EEF1AKMT1: variants seen among roughly 807,000 people sequenced by gnomAD.
EEF1AKMT1 encodes EEF1A lysine methyltransferase 1.
EEF1AKMT1 carries 18 observed loss-of-function variants against 21.0 expected under a neutral mutation model. That is an observed-to-expected ratio of 0.86 (90% CI 0.59 to 1.27). The LOEUF (loss-of-function observed/expected upper bound fraction) is 1.27, where lower values mean the gene tolerates loss of function less well. EEF1AKMT1 is among the 50% of genes most tolerant of loss of function. The probability of loss-of-function intolerance (pLI) is 0.00; values close to 1 mark genes in which losing one functional copy is unlikely to be tolerated. For missense variants in EEF1AKMT1, 246 were observed against 258.6 expected, an observed-to-expected ratio of 0.95 and a Z score of 0.33; for synonymous variants, 109 against 94.8, an observed-to-expected ratio of 1.15 and a Z score of -0.87.
intron 2 of EEF1AKMT1, among the ~76,000 whole-genome samples, chr13:20,743,213 T>C (rs2058882382): frequency 6.6e-6 from 1 of 151,926 alleles, no homozygotes; most frequent in Non-Finnish European, 1.5e-5. Flanking sequence ...ATTACAGGTG[T>C]CCATTACTGG....
At chr13:20,755,784 T>C (rs1301010099) in intron 2 of EEF1AKMT1, among the ~76,000 whole-genome samples, 4 of 152,212 alleles carry the variant, frequency 2.6e-5, no homozygotes, top group Non-Finnish European at 5.9e-5. Context: ...CTCAATTTTA[T>C]AATCAAACCA....
In EEF1AKMT1 at chr13:20,756,128, C is replaced by G. The variant is rs371427959; in HGVS notation, c.144+1327G>C. On this transcript the variant is annotated intron_variant, in intron 2 of 4. Transcript: ENST00000382758. ...AGTTTATATAACTCAGAGATCCAAA[C>G]TAGACACAAAAATATTAAAGACTAT... Among the ~76,000 whole-genome samples the G allele has an allele frequency of 8.7e-4, 133 of 152,186 alleles. 3 individuals are homozygous for G. The South Asian group carries it at 0.026, about 29-fold the overall frequency.
chr13:20,762,844 T>A (rs2059007696), intron 1 of EEF1AKMT1, among the ~76,000 whole-genome samples: 1 of 151,746 alleles, frequency 6.6e-6, no homozygotes, highest in South Asian at 2.1e-4. Context: ...ATGAGGACAT[T>A]CCCTTTATTA....
At chr13:20,732,484 C>T (rs1474639655) in intron 3 of EEF1AKMT1, among the ~76,000 whole-genome samples, 1 of 151,816 alleles carries the variant, frequency 6.6e-6, no homozygotes, top group Non-Finnish European at 1.5e-5. Flanking sequence ...GCACGCGCCA[C>T]TGCGCCTGGC....
intron 1 of EEF1AKMT1, among the ~76,000 whole-genome samples, chr13:20,773,555 G>A (rs1566542056): frequency 2.0e-5 from 3 of 152,214 alleles, no homozygotes. Context: ...ACAGCAGGCC[G>A]AGTCCTGTTT....
rs2059034494 is a variant in EEF1AKMT1 at position 20,766,614 on chromosome 13, G to T, written c.-20+7307C>A. Among the ~76,000 whole-genome samples, 3 of 152,102 alleles carry T rather than the reference G, an allele frequency of 2.0e-5. No individual in the cohort carries two copies. The South Asian group carries it at 6.2e-4, about 32-fold the overall frequency. On this transcript the variant is annotated intron_variant, in intron 1 of 4. Transcript: ENST00000382758. Reference sequence around the variant, plus strand: ...AGGCAGGTGGATCACCTGAAGTCAGGAGTTTGAGACTAGCCTGACCAATAT... The same window carrying T: ...AGGCAGGTGGATCACCTGAAGTCAGTAGTTTGAGACTAGCCTGACCAATAT...
At chr13:20,757,735 G>A in intron 1 of EEF1AKMT1, 118 bp from the exon 2 acceptor site, 1 of 761,884 alleles carries the variant, frequency 1.3e-6, no homozygotes, top group Admixed American at 3.1e-5. Flanking sequence ...TTTTATACAA[G>A]TAAACCAAAA....
At chr13:20,749,536 T>C (rs148328395) in intron 2 of EEF1AKMT1, among the ~76,000 whole-genome samples, 39 of 152,300 alleles carry the variant, frequency 2.6e-4, no homozygotes, top group African/African-American at 9.1e-4. Context: ...ATATCTAAAA[T>C]GTTTTTATTT....
chr13:20,729,722 G>A (rs2058781165), intron 4 of EEF1AKMT1, among the ~76,000 whole-genome samples: 1 of 152,052 alleles, frequency 6.6e-6, no homozygotes, highest in Non-Finnish European at 1.5e-5. Context: ...CACAGGAGGT[G>A]GCATCCACAG....
rs79570457 is a variant in EEF1AKMT1, at chr13:20,773,695, G to A, written c.-20+226C>T. 9.8e-3 allele frequency among the ~76,000 whole-genome samples: 1,496 copies of A among 152,334 alleles called. 19 individuals carry two copies. Among genetic ancestry groups the A allele is most frequent in the Middle Eastern group, 0.024 (7 of 294 alleles). On this transcript the variant is annotated intron_variant, in intron 1 of 4. Coordinates refer to ENST00000382758, the MANE Select transcript of EEF1AKMT1 (RefSeq NM_001318939.2). The stretch of plus-strand genomic sequence containing the variant: ...CAGGACGCGGCGCCTTCCGGCGACC[G>A]GGACGCGAGGCCCAACAGCGCCTAA...
intron 2 of EEF1AKMT1, chr13:20,747,399 C>T (rs1177421419): frequency 8.8e-6 from 2 of 228,080 alleles, no homozygotes; most frequent in East Asian, 2.0e-4. Context: ...ACTCAGTTGC[C>T]CTCAACACAA....
At chr13:20,736,584 GAC>G (rs1010540170) in intron 3 of EEF1AKMT1, among the ~76,000 whole-genome samples, 13 of 152,144 alleles carry the variant, frequency 8.5e-5, no homozygotes, top group African/African-American at 3.1e-4. Flanking sequence ...TGCACACTGG[GAC>G]AGGTTGCAGA....
chr13:20,756,112 A>C (rs921219288), intron 2 of EEF1AKMT1, among the ~76,000 whole-genome samples: 1 of 152,152 alleles, frequency 6.6e-6, no homozygotes, highest in Admixed American at 6.5e-5. Flanking sequence ...AAGTTTATAT[A>C]ACTCAGAGAT....
At chr13:20,742,909 C>T (rs2596150) in intron 2 of EEF1AKMT1, among the ~76,000 whole-genome samples, 43,175 of 151,988 alleles carry the variant, frequency 0.28, 7,702 homozygotes, top group East Asian at 0.76. Context: ...ATTTTCTCCT[C>T]GTCTTTCTCT....
At chr13:20,742,854 T>C (rs147053429) in intron 2 of EEF1AKMT1, among the ~76,000 whole-genome samples, 1 of 152,332 alleles carries the variant, frequency 6.6e-6, no homozygotes, top group Non-Finnish European at 1.5e-5. Flanking sequence ...CTGGTGGGCA[T>C]GGACATCTGG....
rs569305852 is a variant in EEF1AKMT1 at position 20,745,936 on chromosome 13, C to T, written c.145-8131G>A. Among the ~76,000 whole-genome samples, 28 of 152,206 alleles carry T rather than the reference C, an allele frequency of 1.8e-4. No homozygotes were observed. The South Asian group carries it at 3.7e-3, about 20-fold the overall frequency. ...AAACAAGGTACAATTCAAAGTGGCACGTGGTATGAATGAAAACATTAATAA... is the reference window on the plus strand; with the variant it reads ...AAACAAGGTACAATTCAAAGTGGCATGTGGTATGAATGAAAACATTAATAA... On this transcript the variant is annotated intron_variant, in intron 2 of 4. Coordinates refer to ENST00000382758, the MANE Select transcript of EEF1AKMT1 (RefSeq NM_001318939.2).
At chr13:20,752,020 A>G (rs2058944053) in intron 2 of EEF1AKMT1, among the ~76,000 whole-genome samples, 1 of 152,174 alleles carries the variant, frequency 6.6e-6, no homozygotes, top group Admixed American at 6.5e-5. Context: ...TATTGAATTT[A>G]TAAGATCTAA....
chr13:20,734,112 G>A (rs2058813240), intron 3 of EEF1AKMT1, among the ~76,000 whole-genome samples: 1 of 152,236 alleles, frequency 6.6e-6, no homozygotes, highest in South Asian at 2.1e-4. Context: ...TCACTGTGCT[G>A]ACAGAGAATG....
intron 2 of EEF1AKMT1, among the ~76,000 whole-genome samples, chr13:20,749,894 C>T (rs928460357): frequency 6.6e-6 from 1 of 152,150 alleles, no homozygotes; most frequent in East Asian, 1.9e-4. Context: ...TGTTCTTTGT[C>T]ATCTGTATCC....
Sources: gnomAD v4.1 joint callset for allele counts (sites outside exome capture counted in the v4.1 genomes callset) on GRCh38, gnomAD v4.1.1 for gene constraint, MANE v1.5 for transcripts, NCBI Gene and HGNC (gene_info 2026-07-23, HGNC 2026-07-21) for gene names.